The following NDRG3 variants were observed in gnomAD, a reference collection of about 807,000 sequenced individuals.
NDRG3 encodes the protein NDRG family member 3, also known as protein NDRG3.
A neutral mutation model predicts 57.2 loss-of-function variants in NDRG3; 23 were observed. The ratio of observed to expected loss-of-function variants is 0.40; its 90% CI spans 0.29 to 0.57. The LOEUF (loss-of-function observed/expected upper bound fraction) is 0.57, where lower values mean the gene tolerates loss of function less well. Ranked by LOEUF, NDRG3 falls within the 20% of genes least tolerant of loss-of-function variation. NDRG3 has a pLI of 0.42. For synonymous variants in NDRG3, 132 were observed against 162.6 expected (o/e 0.81, Z 1.43); for missense variants, 384 against 457.3 (o/e 0.84, Z 1.46).
intron 15 of NDRG3, among the ~76,000 whole-genome samples, chr20:36,655,572 A>G (rs1978584436): frequency 6.6e-6 from 1 of 152,208 alleles, no homozygotes; most frequent in Admixed American, 6.5e-5. Flanking sequence ...TTTACCAAGG[A>G]TACTGCCCTT....
intron 2 of NDRG3, among the ~76,000 whole-genome samples, chr20:36,713,433 GA>G (rs1229774709): frequency 1.3e-5 from 2 of 151,590 alleles, no homozygotes; most frequent in Non-Finnish European, 2.9e-5. Context: ...AGTGAATTAT[GA>G]AAAAAAAGGG....
chr20:36,714,517 G>C (rs1449732738), intron 2 of NDRG3, among the ~76,000 whole-genome samples: 2 of 145,920 alleles, frequency 1.4e-5, no homozygotes, highest in Non-Finnish European at 3.0e-5. Flanking sequence ...TCTCGACTCA[G>C]AGCAACCTCC....
rs1426620187 is a variant in NDRG3, at chr20:36,733,160, AAAAAAAAAAAAATAT to A, written c.-48-11392_-48-11378del. ...CGATCCTGTCTCAAAAAAAAAAAAA[AAAAAAAAAAAAATAT>A]ATATATATATATATATATATATATA... On this transcript the variant is annotated intron_variant, in intron 1 of 15. Transcript: ENST00000349004. Among the ~76,000 whole-genome samples, 329 of 54,544 alleles carry A rather than the reference AAAAAAAAAAAAATAT, an allele frequency of 6.0e-3. 1 individual carries two copies. Among genetic ancestry groups the A allele is most frequent in the African/African-American group, 0.036 (298 of 8,232 alleles). The allele number at this position is 54,544 out of a possible 152,430, so 35.8% of individuals were successfully genotyped here.
intron 1 of NDRG3, among the ~76,000 whole-genome samples, chr20:36,738,372 A>C (rs911705573): frequency 1.3e-5 from 2 of 148,902 alleles, no homozygotes; most frequent in East Asian, 4.1e-4. Flanking sequence ...GCAGGTACCT[A>C]TAATCCCAGC....
chr20:36,693,105 AATATATATAT>A (rs1290033865), intron 3 of NDRG3, among the ~76,000 whole-genome samples: 397 of 25,838 alleles, frequency 0.015, 13 homozygotes, highest in African/African-American at 0.058. Flanking sequence ...AAAAAAAAAA[AATATATATAT>A]ATATATATAT....
intron 3 of NDRG3, among the ~76,000 whole-genome samples, chr20:36,701,991 G>T (rs1226452150): frequency 2.6e-5 from 4 of 151,896 alleles, no homozygotes; most frequent in Non-Finnish European, 5.9e-5. Flanking sequence ...GGAATGACAC[G>T]ATCTGACTTG....
chr20:36,738,692 A>G (rs913093478), intron 1 of NDRG3, among the ~76,000 whole-genome samples: 3 of 151,280 alleles, frequency 2.0e-5, no homozygotes, highest in South Asian at 2.1e-4. Context: ...GTGTGGTGGC[A>G]TGCACCTGTA....
chr20:36,668,001 A>G (rs1259223327), intron 9 of NDRG3, among the ~76,000 whole-genome samples: 1 of 152,184 alleles, frequency 6.6e-6, no homozygotes, highest in African/African-American at 2.4e-5. Flanking sequence ...GCACTTTAGG[A>G]GGCTGAGGCA....
intron 1 of NDRG3, among the ~76,000 whole-genome samples, chr20:36,726,455 C>A (rs927561906): frequency 6.6e-6 from 1 of 152,108 alleles, no homozygotes; most frequent in African/African-American, 2.4e-5. Context: ...CTGGAGACTC[C>A]ATTTTTGCTC....
chr20:36,734,675 T>C (rs1317151099), intron 1 of NDRG3, among the ~76,000 whole-genome samples: 1 of 152,042 alleles, frequency 6.6e-6, no homozygotes, highest in Non-Finnish European at 1.5e-5. Context: ...TTAGGCCAGA[T>C]GATTTTTTGT....
At position 36,656,551 on chromosome 20, in the gene NDRG3, G is replaced by C. The variant is rs1978692008; in HGVS notation, c.859-19C>G. On this transcript the variant is annotated intron_variant, in intron 13 of 15. Transcript: ENST00000349004. ...CCGCCATCTAGAAAAGGAAAAATATGCAAGTCAGCTGGGACTTACCCTTAA... is the reference window on the plus strand; with the variant it reads ...CCGCCATCTAGAAAAGGAAAAATATCCAAGTCAGCTGGGACTTACCCTTAA... 1.2e-6 allele frequency: 2 copies of C among 1,613,930 alleles called. No individual in the cohort carries two copies. Among genetic ancestry groups the C allele is most frequent in the African/African-American group, 2.7e-5 (2 of 75,030 alleles).
chr20:36,691,200 G>A (rs887601696), intron 3 of NDRG3, among the ~76,000 whole-genome samples: 6 of 152,158 alleles, frequency 3.9e-5, no homozygotes, highest in African/African-American at 1.4e-4. Context: ...TCTCTGATGT[G>A]GGCACCAGAA....
intron 15 of NDRG3, among the ~76,000 whole-genome samples, chr20:36,655,625 T>C (rs542983901): frequency 6.6e-5 from 10 of 152,340 alleles, no homozygotes; most frequent in African/African-American, 2.2e-4. Context: ...TCAGGAGTTA[T>C]TAACCAGCTG....
At chr20:36,728,339 A>G (rs1985071894) in intron 1 of NDRG3, among the ~76,000 whole-genome samples, 1 of 152,236 alleles carries the variant, frequency 6.6e-6, no homozygotes, top group African/African-American at 2.4e-5. Context: ...GGCGTGAGCC[A>G]CTGCGCCCAG....
chr20:36,665,172 A>G, intron 11 of NDRG3, 64 bp downstream of exon 11: 1 of 1,607,532 alleles, frequency 6.2e-7, no homozygotes, highest in Non-Finnish European at 8.5e-7. Flanking sequence ...TTAGTCTATG[A>G]AAGTCTATGA....
At chr20:36,738,177 G>A (rs751960709) in intron 1 of NDRG3, among the ~76,000 whole-genome samples, 35 of 152,096 alleles carry the variant, frequency 2.3e-4, no homozygotes, top group Non-Finnish European at 4.3e-4. Context: ...AATACAACCT[G>A]TGGACTAATC....
At chr20:36,657,209 G>A (rs941420307) in intron 13 of NDRG3, among the ~76,000 whole-genome samples, 6 of 152,090 alleles carry the variant, frequency 3.9e-5, no homozygotes, top group African/African-American at 7.2e-5. Flanking sequence ...ATTTCTGGCC[G>A]CGCGCAGTGG....
At chr20:36,741,389 C>T in intron 1 of NDRG3, among the ~76,000 whole-genome samples, 1 of 152,148 alleles carries the variant, frequency 6.6e-6, no homozygotes, top group Admixed American at 6.6e-5. Context: ...ATAGCAGACA[C>T]TCTAAAAATG....
In NDRG3 at chr20:36,687,879, G is replaced by A. The variant is rs369871405; in HGVS notation, c.200-267C>T. Reference sequence around the variant, plus strand: ...ACTTTGTTAATATTTGGTGGTTTCCGATTATTGCACAAAATAATCTTACAC... The same window carrying A: ...ACTTTGTTAATATTTGGTGGTTTCCAATTATTGCACAAAATAATCTTACAC... On this transcript the variant is annotated intron_variant, in intron 4 of 15. Transcript: ENST00000349004. Among the ~76,000 whole-genome samples, 21 of 152,272 alleles carry A rather than the reference G, an allele frequency of 1.4e-4. No individual in the cohort carries two copies. In the East Asian group the frequency reaches 2.5e-3, roughly 18 times the overall value.
Sources: allele counts gnomAD v4.1 joint callset (sites outside exome capture counted in the v4.1 genomes callset), GRCh38; gene constraint gnomAD v4.1.1; transcripts MANE v1.5; gene names NCBI Gene and HGNC (gene_info 2026-07-23, HGNC 2026-07-21).